GALNT13: variants seen among roughly 807,000 people sequenced by gnomAD.
The protein encoded by GALNT13 is polypeptide N-acetylgalactosaminyltransferase 13.
In GALNT13, 28 loss-of-function variants were observed where a neutral mutation model predicts 64.2. The ratio of observed to expected loss-of-function variants is 0.44; its 90% CI spans 0.32 to 0.60. The LOEUF (loss-of-function observed/expected upper bound fraction) is 0.60. Among genes scored for constraint, GALNT13 ranks in the 20% least tolerant of loss-of-function variants. The pLI is 0.05. For missense variants in GALNT13, 577 were observed against 669.8 expected (o/e 0.86, Z 1.53); for synonymous variants, 214 against 224.6 (o/e 0.95, Z 0.42).
chr2:154,384,093 T>C (rs1379292513), intron 9 of GALNT13, among the ~76,000 whole-genome samples: 1 of 151,952 alleles, frequency 6.6e-6, no homozygotes, highest in African/African-American at 2.4e-5. Flanking sequence ...TAAAAATTTG[T>C]GATTAAAACT....
At chr2:153,654,053 T>A in the GALNT13 span, among the ~76,000 whole-genome samples, 2 of 152,032 alleles carry the variant, frequency 1.3e-5, no homozygotes, top group African/African-American at 4.8e-5. Flanking sequence ...CCTGATAAGA[T>A]GCATTAAGAT....
the GALNT13 span, among the ~76,000 whole-genome samples, chr2:153,500,414 T>G: frequency 3.9e-5 from 6 of 152,288 alleles, no homozygotes; most frequent in Non-Finnish European, 5.9e-5. Context: ...AAGACTTGGG[T>G]GCATGGAGAT....
the GALNT13 span, among the ~76,000 whole-genome samples, chr2:153,630,084 G>T: frequency 6.7e-6 from 1 of 149,480 alleles, no homozygotes; most frequent in South Asian, 2.2e-4. Context: ...GTGGAAGTCA[G>T]TGTGGCGATT....
chr2:153,678,376 A>C, the GALNT13 span, among the ~76,000 whole-genome samples: 1 of 152,080 alleles, frequency 6.6e-6, no homozygotes, highest in Admixed American at 6.6e-5. Flanking sequence ...TGTCCTTCTC[A>C]GCAACATGAA....
intron 4 of GALNT13, among the ~76,000 whole-genome samples, chr2:154,195,533 A>G (rs1399955246): frequency 6.6e-6 from 1 of 152,158 alleles, no homozygotes; most frequent in Non-Finnish European, 1.5e-5. Flanking sequence ...GATGAAATAT[A>G]TCACCCTAAA....
At chr2:154,376,055 A>G (rs1159593475) in intron 9 of GALNT13, among the ~76,000 whole-genome samples, 2 of 152,232 alleles carry the variant, frequency 1.3e-5, no homozygotes, top group Non-Finnish European at 2.9e-5. Context: ...CAAAAGGAAT[A>G]TATAATTTGC....
the GALNT13 span, among the ~76,000 whole-genome samples, chr2:153,147,438 A>G: frequency 6.6e-6 from 1 of 151,754 alleles, no homozygotes; most frequent in South Asian, 2.1e-4. Flanking sequence ...TTGGATGAGT[A>G]TAAGGATGCT....
At chr2:153,655,437 A>G in the GALNT13 span, among the ~76,000 whole-genome samples, 1 of 152,120 alleles carries the variant, frequency 6.6e-6, no homozygotes, top group African/African-American at 2.4e-5. Flanking sequence ...TAAGAGATTT[A>G]TGGAGGTTTT....
chr2:153,426,201 T>C, the GALNT13 span, among the ~76,000 whole-genome samples: 29 of 151,826 alleles, frequency 1.9e-4, no homozygotes, highest in African/African-American at 5.3e-4. Context: ...GCATTGGAGA[T>C]TGAGAGTTTT....
the GALNT13 span, among the ~76,000 whole-genome samples, chr2:153,190,449 T>C: frequency 6.6e-6 from 1 of 152,112 alleles, no homozygotes; most frequent in South Asian, 2.1e-4. Context: ...ATGTGTCTGT[T>C]TGTATACCAA....
intron 11 of GALNT13, among the ~76,000 whole-genome samples, chr2:154,424,381 A>C (rs1700381982): frequency 1.3e-5 from 2 of 152,214 alleles, no homozygotes; most frequent in South Asian, 2.1e-4. Context: ...GCAAAAAAAG[A>C]ATAATACTGT....
intron 9 of GALNT13, among the ~76,000 whole-genome samples, chr2:154,337,327 G>T (rs1695509748): frequency 1.3e-5 from 2 of 151,980 alleles, no homozygotes; most frequent in South Asian, 4.1e-4. Flanking sequence ...AATGATAATT[G>T]CTTTATTGGT....
chr2:153,686,550 T>G, the GALNT13 span, among the ~76,000 whole-genome samples: 1 of 152,058 alleles, frequency 6.6e-6, no homozygotes, highest in Non-Finnish European at 1.5e-5. Flanking sequence ...GCTCAGACTA[T>G]GGGTTTTTCT....
At chr2:154,171,011 C>T (rs1410232677) in intron 4 of GALNT13, among the ~76,000 whole-genome samples, 1 of 152,062 alleles carries the variant, frequency 6.6e-6, no homozygotes. Context: ...CTTTCTCAGC[C>T]TTGGGTCTCT....
the GALNT13 span, among the ~76,000 whole-genome samples, chr2:153,193,966 CT>C: frequency 0.16 from 24,407 of 152,060 alleles, 2,076 homozygotes; most frequent in African/African-American, 0.18. Context: ...AAGTCTGCTG[CT>C]AGTCTGGCGG....
In GALNT13 at chr2:154,298,549, A is replaced by C. The variant is rs372054478; in HGVS notation, c.976-2860A>C. Among the ~76,000 whole-genome samples, 107 of 60,294 alleles carry C rather than the reference A, an allele frequency of 1.8e-3. 5 individuals are homozygous for C. Among genetic ancestry groups the C allele is most frequent in the African/African-American group, 5.7e-3 (93 of 16,174 alleles). 39.6% of individuals were successfully genotyped at this position (60,294 alleles called of 152,430 possible). A position where few individuals can be genotyped will look rare whatever the true frequency, so the allele number is the denominator to read the frequency against. On this transcript the variant is annotated intron_variant, in intron 8 of 12. Transcript: ENST00000392825. ...ATAAAATTGTATATATTTATATATA[A>C]ATTGTATATATAATTTATATATAAA...
the GALNT13 span, among the ~76,000 whole-genome samples, chr2:153,175,584 T>A: frequency 6.6e-6 from 1 of 152,202 alleles, no homozygotes; most frequent in Non-Finnish European, 1.5e-5. Flanking sequence ...CATTTTTGGC[T>A]TTTTACTAAA....
intron 9 of GALNT13, among the ~76,000 whole-genome samples, chr2:154,331,902 C>T (rs1695186726): frequency 6.6e-6 from 1 of 151,964 alleles, no homozygotes; most frequent in African/African-American, 2.4e-5. Flanking sequence ...GACACAAGAG[C>T]TCTGGAAGCA....
chr2:153,895,001 A>G (rs888003710), intron 1 of GALNT13, among the ~76,000 whole-genome samples: 19 of 152,122 alleles, frequency 1.2e-4, no homozygotes, highest in African/African-American at 4.3e-4. Flanking sequence ...ACTGAATAAT[A>G]TTTGTAATAA....
Sources: gnomAD v4.1 joint callset for allele counts (sites outside exome capture counted in the v4.1 genomes callset) on GRCh38, gnomAD v4.1.1 for gene constraint, MANE v1.5 for transcripts, NCBI Gene and HGNC (gene_info 2026-07-23, HGNC 2026-07-21) for gene names.